Variants in PIWIL2 observed in about 807,000 individuals in gnomAD.
The protein encoded by PIWIL2 is piwi like RNA-mediated gene silencing 2, also known as piwi-like protein 2.
Under a neutral mutation model 116.5 loss-of-function variants are expected in PIWIL2, and 81 were observed. The observed-to-expected ratio is 0.70, with a 90% CI of 0.58 to 0.84. The LOEUF is 0.84. Among genes scored for constraint, PIWIL2 ranks in the 40% least tolerant of loss-of-function variants. The pLI is 0.00. For synonymous variants in PIWIL2, 489 were observed against 429.5 expected (o/e 1.14, Z -1.71); for missense variants, 1,272 against 1,212.3 (o/e 1.05, Z -0.73).
intron 2 of PIWIL2, 93 bp from the exon 3 acceptor site, chr8:22,281,027 G>T: frequency 1.4e-6 from 1 of 712,294 alleles, no homozygotes; most frequent in Admixed American, 2.7e-5. Context: ...TATAGAATTT[G>T]AAGATGATTT....
At chr8:22,336,799 A>G (rs896410923) in intron 20 of PIWIL2, among the ~76,000 whole-genome samples, 1 of 152,172 alleles carries the variant, frequency 6.6e-6, no homozygotes, top group African/African-American at 2.4e-5. Flanking sequence ...TAGAAAAACA[A>G]TAGAATCAAT....
At chr8:22,279,624 T>A in intron 2 of PIWIL2, 40 bp downstream of exon 2, 2 of 1,537,424 alleles carry the variant, frequency 1.3e-6, no homozygotes, top group Non-Finnish European at 1.8e-6. Context: ...GCATACAGCT[T>A]ACCTGTGTGC....
At chr8:22,347,210 A>C (rs1247856411) in intron 20 of PIWIL2, among the ~76,000 whole-genome samples, 1 of 149,242 alleles carries the variant, frequency 6.7e-6, no homozygotes, top group Admixed American at 6.7e-5. Context: ...GCACATTAAC[A>C]TAATTTTTTT....
intron 10 of PIWIL2, among the ~76,000 whole-genome samples, chr8:22,293,163 C>T (rs540710338): frequency 6.6e-6 from 1 of 152,136 alleles, no homozygotes; most frequent in Non-Finnish European, 1.5e-5. Flanking sequence ...GTCTGCTTGG[C>T]CAGGGATGGT....
At chr8:22,350,215 T>C (rs1832323332) in intron 20 of PIWIL2, among the ~76,000 whole-genome samples, 1 of 152,144 alleles carries the variant, frequency 6.6e-6, no homozygotes, top group African/African-American at 2.4e-5. Flanking sequence ...CCCACCAGAC[T>C]ATATCTTGTT....
chr8:22,310,009 T>G lies in PIWIL2; in HGVS notation c.1735T>G (p.Ser579Ala). ...PMERINLKNT[S>A]FITSQELNWV... ...GGAAAGAATTAACTTAAAAAATACT[T>G]CGTTTATCACATCTCAGGAACTAAA... Residue 579 changes from serine (S) to alanine (A), a missense_variant, in exon 15 of 23, where the codon TCG becomes GCG. Transcript: ENST00000356766. 6.2e-7 allele frequency: 1 copy of G among 1,612,214 alleles called. No homozygotes were observed. The highest frequency in any genetic ancestry group is 8.5e-7 in the Non-Finnish European group (1 of 1,178,250).
At chr8:22,327,024 C>CTTTTTTTTTTTTTTTTTTT (rs71544876) in intron 20 of PIWIL2, among the ~76,000 whole-genome samples, 4 of 105,468 alleles carry the variant, frequency 3.8e-5, no homozygotes, top group Non-Finnish European at 5.4e-5. Flanking sequence ...TGTTTTTTTA[C>CTTTTTTTTTTTTTTTTTTT]TTTTTTTTTT....
intron 20 of PIWIL2, among the ~76,000 whole-genome samples, chr8:22,335,055 CAAA>C (rs35685695): frequency 6.0e-5 from 3 of 50,144 alleles, no homozygotes; most frequent in African/African-American, 6.6e-5. Context: ...ACTCTTGTCT[CAAA>C]AAAAAAAAAA....
At chr8:22,352,456 G>A (rs948835729) in intron 20 of PIWIL2, among the ~76,000 whole-genome samples, 9 of 152,172 alleles carry the variant, frequency 5.9e-5, no homozygotes, top group African/African-American at 2.2e-4. Flanking sequence ...CAGACTGTAG[G>A]GTAATATTTA....
chr8:22,279,971 A>G (rs942545598), intron 2 of PIWIL2, among the ~76,000 whole-genome samples: 5 of 152,188 alleles, frequency 3.3e-5, no homozygotes, highest in African/African-American at 9.7e-5. Flanking sequence ...AATGACAACA[A>G]AGTGCTTGCA....
chr8:22,315,895 C>T (rs1176605598), intron 18 of PIWIL2, among the ~76,000 whole-genome samples: 1 of 152,178 alleles, frequency 6.6e-6, no homozygotes, highest in Admixed American at 6.5e-5. Context: ...ATTCAAAAAT[C>T]TGCAATCTGA....
chr8:22,341,385 C>G (rs1308717347), intron 20 of PIWIL2, among the ~76,000 whole-genome samples: 1 of 151,726 alleles, frequency 6.6e-6, no homozygotes, highest in African/African-American at 2.4e-5. Flanking sequence ...CACCTGAGGT[C>G]AGGAGTTCAA....
intron 22 of PIWIL2, 138 bp downstream of exon 22, chr8:22,354,516 G>T: frequency 1.9e-6 from 1 of 534,086 alleles, no homozygotes; most frequent in South Asian, 3.1e-5. Flanking sequence ...GTGTCTTTTT[G>T]AGGAGAGATT....
intron 20 of PIWIL2, among the ~76,000 whole-genome samples, chr8:22,349,939 C>T (rs1335399214): frequency 6.6e-6 from 1 of 151,924 alleles, no homozygotes; most frequent in Non-Finnish European, 1.5e-5. Context: ...TGGCTCGAGT[C>T]GTCTACACAT....
chr8:22,308,871 G>A (rs115439502), intron 14 of PIWIL2, among the ~76,000 whole-genome samples: 4 of 151,788 alleles, frequency 2.6e-5, no homozygotes, highest in South Asian at 2.1e-4. Context: ...CTGGTCTCTC[G>A]AGCTCCTGAC....
chr8:22,347,476 C>T (rs567978188), intron 20 of PIWIL2, among the ~76,000 whole-genome samples: 13 of 150,860 alleles, frequency 8.6e-5, no homozygotes, highest in Admixed American at 2.6e-4. Flanking sequence ...CTCAGCCTCC[C>T]AAAGTGCTGG....
At chr8:22,308,894 G>A (rs1831255465) in intron 14 of PIWIL2, among the ~76,000 whole-genome samples, 1 of 151,910 alleles carries the variant, frequency 6.6e-6, no homozygotes, top group African/African-American at 2.4e-5. Flanking sequence ...CAAATGATCC[G>A]CCTACCTTAG....
intron 20 of PIWIL2, among the ~76,000 whole-genome samples, chr8:22,323,716 C>G (rs1032920453): frequency 5.3e-5 from 8 of 152,126 alleles, no homozygotes; most frequent in African/African-American, 1.9e-4. Flanking sequence ...ATGTAAGAGT[C>G]AAAGATACTG....
intron 10 of PIWIL2, among the ~76,000 whole-genome samples, chr8:22,302,737 G>A (rs1259391755): frequency 6.6e-6 from 1 of 150,972 alleles, no homozygotes; most frequent in East Asian, 2.0e-4. Flanking sequence ...ATTGAAGAAT[G>A]CTTTCAAAAT....
Sources: gnomAD v4.1 joint callset for allele counts (sites outside exome capture counted in the v4.1 genomes callset) on GRCh38, gnomAD v4.1.1 for gene constraint, MANE v1.5 for transcripts, NCBI Gene and HGNC (gene_info 2026-07-23, HGNC 2026-07-21) for gene names.